The following DNAL1 variants were observed in gnomAD, a reference collection of about 807,000 sequenced individuals.
The protein encoded by DNAL1 is dynein axonemal light chain 1.
DNAL1 carries 17 observed loss-of-function variants against 29.4 expected under a neutral mutation model. The observed-to-expected ratio is 0.58, with a 90% CI of 0.40 to 0.87. The LOEUF is 0.87. DNAL1 is among the 40% of genes least tolerant of loss of function. The pLI is 0.00. For synonymous variants in DNAL1, 78 were observed against 76.3 expected (o/e 1.02, Z -0.12); for missense variants, 188 against 214.1 (o/e 0.88, Z 0.76).
At chr14:73,653,991 G>C (rs1281818473) in intron 1 of DNAL1, among the ~76,000 whole-genome samples, 2 of 152,066 alleles carry the variant, frequency 1.3e-5, no homozygotes, top group Non-Finnish European at 2.9e-5. Context: ...CTTATTGATA[G>C]AGTTCTTTTA....
intron 5 of DNAL1, among the ~76,000 whole-genome samples, chr14:73,673,913 C>T (rs1318224326): frequency 6.7e-6 from 1 of 149,848 alleles, no homozygotes; most frequent in East Asian, 1.9e-4. Flanking sequence ...AAAAAGAAAG[C>T]TGCATTGGGA....
chr14:73,689,366 T>C lies in DNAL1; in HGVS notation c.392-9T>C. ...TGTTTTAATATGGAAAATATTCTTT[T>C]ACTTGTAGCTGAGTTTGTGAAGCTG... On this transcript the variant is annotated splice_polypyrimidine_tract_variant and intron_variant, in intron 6 of 7. Transcript: ENST00000553645. 6.4e-7 allele frequency: 1 copy of C among 1,551,710 alleles called. No homozygotes were observed. The highest frequency in any genetic ancestry group is 8.7e-7 in the Non-Finnish European group (1 of 1,146,908).
intron 7 of DNAL1, among the ~76,000 whole-genome samples, chr14:73,690,920 T>C (rs1250653879): frequency 6.6e-6 from 1 of 152,188 alleles, no homozygotes; most frequent in South Asian, 2.1e-4. Context: ...TGGATCAAAA[T>C]TGTGGTATTC....
intron 3 of DNAL1, among the ~76,000 whole-genome samples, chr14:73,659,959 CTT>C (rs1346949953): frequency 6.6e-6 from 1 of 152,136 alleles, no homozygotes; most frequent in Non-Finnish European, 1.5e-5. Flanking sequence ...TTGAGAAACT[CTT>C]TGTCACCCAG....
intron 1 of DNAL1, among the ~76,000 whole-genome samples, chr14:73,648,072 G>A (rs1056706938): frequency 6.6e-6 from 1 of 151,912 alleles, no homozygotes; most frequent in African/African-American, 2.4e-5. Context: ...CTGCCCCTAG[G>A]GCTCAAGTGA....
At chr14:73,686,400 ATACT>A (rs761841794) in intron 5 of DNAL1, among the ~76,000 whole-genome samples, 8 of 152,206 alleles carry the variant, frequency 5.3e-5, no homozygotes, top group Admixed American at 1.3e-4. Context: ...TACTTAACAA[ATACT>A]TACAGGAAAT....
intron 5 of DNAL1, among the ~76,000 whole-genome samples, chr14:73,679,670 C>A (rs748261515): frequency 2.6e-5 from 4 of 152,042 alleles, no homozygotes; most frequent in Non-Finnish European, 5.9e-5. Flanking sequence ...TGTTTCTTGT[C>A]TTTTTACCTT....
In DNAL1 at chr14:73,687,356, A is replaced by G. The variant is rs1168414600; in HGVS notation, c.362A>G (p.Tyr121Cys). ...ATAATGAAGAAATTGAAGATTCTCT[A>G]CATGTCTAATAACCTGGTAAAAGAC... ...IHIMKKLKIL[Y>C]MSNNLVKDWA... Residue 121 changes from tyrosine to cysteine, a missense_variant, in exon 6 of 8, where the codon TAC (tyrosine) becomes TGC (cysteine). Coordinates refer to ENST00000553645, the MANE Select transcript of DNAL1 (RefSeq NM_031427.4). 1.9e-6 allele frequency: 3 copies of G among 1,610,798 alleles called. No homozygotes were observed. In the Admixed American group the frequency reaches 5.0e-5, roughly 27 times the overall value.
At chr14:73,659,588 G>GT (rs1206889441) in intron 3 of DNAL1, 1 of 152,060 alleles carries the variant, frequency 6.6e-6, no homozygotes, top group Non-Finnish European at 1.5e-5. Context: ...CGTCACGATT[G>GT]TATGTCATCC....
At chr14:73,688,652 A>T (rs1308587604) in intron 6 of DNAL1, among the ~76,000 whole-genome samples, 1 of 152,138 alleles carries the variant, frequency 6.6e-6, no homozygotes, top group Non-Finnish European at 1.5e-5. Context: ...CTGTGTGATA[A>T]GTTCTGCAAT....
At chr14:73,677,194 TCTC>T (rs1891754007) in intron 5 of DNAL1, among the ~76,000 whole-genome samples, 1 of 151,954 alleles carries the variant, frequency 6.6e-6, no homozygotes. Context: ...ATGGTCTCGA[TCTC>T]CTGACCTCGT....
chr14:73,683,439 CT>C (rs1461039857), intron 5 of DNAL1, among the ~76,000 whole-genome samples: 1 of 152,054 alleles, frequency 6.6e-6, no homozygotes, highest in East Asian at 1.9e-4. Flanking sequence ...CTATTATAAT[CT>C]TATGGGACCA....
chr14:73,686,175 C>T (rs1341407976), intron 5 of DNAL1, among the ~76,000 whole-genome samples: 4 of 152,208 alleles, frequency 2.6e-5, no homozygotes, highest in African/African-American at 9.6e-5. Context: ...GCGCCAGTCT[C>T]CTCATTTTAC....
rs1891614812 is a variant in DNAL1 at position 73,671,546 on chromosome 14, CTT to C, written c.214_215del (p.Leu72GlufsTer34). 1 of 1,478,290 alleles carries C rather than the reference CTT, an allele frequency of 6.8e-7. No homozygotes were observed. Among genetic ancestry groups the C allele is most frequent in the Non-Finnish European group, 9.0e-7 (1 of 1,108,114 alleles). The allele number at this position is 1,478,290 out of a possible 1,614,324, so 91.6% of individuals were successfully genotyped here. A position where few individuals can be genotyped will look rare whatever the true frequency, so the allele number is the denominator to read the frequency against. On this transcript the variant is annotated frameshift_variant, in exon 5 of 8. Coordinates refer to ENST00000553645, the MANE Select transcript of DNAL1 (RefSeq NM_031427.4). LOFTEE classifies it high-confidence loss of function. ...AATGTTTTCTTTTCACTACAGAAAACTTGAGGATATTATCTTTAGGAAGAAAC... is the reference window on the plus strand; with the variant it reads ...AATGTTTTCTTTTCACTACAGAAAACGAGGATATTATCTTTAGGAAGAAAC... ...KIANLNGLKN[L>X]RILSLGRNNI... is the part of the protein sequence containing the mutation.
intron 4 of DNAL1, among the ~76,000 whole-genome samples, chr14:73,670,957 C>T (rs998584386): frequency 4.6e-5 from 7 of 151,768 alleles, no homozygotes; most frequent in Admixed American, 2.0e-4. Context: ...AGGATGGTCT[C>T]GATCTCCTGA....
intron 4 of DNAL1, among the ~76,000 whole-genome samples, chr14:73,665,402 C>G (rs558939507): frequency 6.6e-5 from 10 of 152,250 alleles, no homozygotes; most frequent in African/African-American, 2.4e-4. Flanking sequence ...AAGTAACTTG[C>G]TTAATAACTT....
intron 4 of DNAL1, among the ~76,000 whole-genome samples, chr14:73,662,348 G>A (rs1235374444): frequency 6.6e-6 from 1 of 152,138 alleles, no homozygotes; most frequent in Non-Finnish European, 1.5e-5. Context: ...TTTCAAACTT[G>A]TTATATTTAA....
intron 5 of DNAL1, among the ~76,000 whole-genome samples, chr14:73,683,185 C>G (rs922277745): frequency 3.3e-5 from 5 of 151,696 alleles, no homozygotes; most frequent in Non-Finnish European, 5.9e-5. Context: ...CTACAGTTAG[C>G]TTTTTTTTAA....
At chr14:73,682,498 A>G (rs1298961468) in intron 5 of DNAL1, among the ~76,000 whole-genome samples, 4 of 151,402 alleles carry the variant, frequency 2.6e-5, no homozygotes, top group African/African-American at 9.7e-5. Context: ...CAACTTTTTT[A>G]ATGTTAAAAA....
Sources: allele counts gnomAD v4.1 joint callset (sites outside exome capture counted in the v4.1 genomes callset), GRCh38; gene constraint gnomAD v4.1.1; transcripts MANE v1.5; gene names NCBI Gene and HGNC (gene_info 2026-07-23, HGNC 2026-07-21).